The following IPO5 variants were observed in gnomAD, a reference collection of about 807,000 sequenced individuals.
IPO5 encodes importin-5.
In IPO5, 18 loss-of-function variants were observed where a neutral mutation model predicts 143.3. The ratio of observed to expected loss-of-function variants is 0.13; its 90% CI spans 0.09 to 0.19. IPO5 has a LOEUF of 0.19. Among genes scored for constraint, IPO5 ranks in the 10% least tolerant of loss-of-function variants. The pLI, the probability that IPO5 is intolerant of heterozygous loss-of-function variation, is 1.00. For missense variants in IPO5, 1,013 were observed against 1,336.9 expected, an observed-to-expected ratio of 0.76 and a Z score of 3.78; for synonymous variants, 477 against 465.7, an observed-to-expected ratio of 1.02 and a Z score of -0.31.
chr13:97,969,925 C>T (rs985873684), intron 3 of IPO5, 95 bp downstream of exon 3: 2 of 912,118 alleles, frequency 2.2e-6, no homozygotes, highest in Non-Finnish European at 3.5e-6. Flanking sequence ...TCTCGAACTC[C>T]TGGTCTCAGG....
At chr13:98,000,686 C>A in intron 13 of IPO5, 41 bp downstream of exon 13, 1 of 1,341,600 alleles carries the variant, frequency 7.5e-7, no homozygotes, top group Non-Finnish European at 1.1e-6. Context: ...TGAAGTTGTG[C>A]CCTTTCTAAA....
intron 2 of IPO5, among the ~76,000 whole-genome samples, chr13:97,968,922 C>A (rs1156312020): frequency 6.6e-6 from 1 of 151,770 alleles, no homozygotes; most frequent in African/African-American, 2.4e-5. Flanking sequence ...CTCCCGACCT[C>A]AAGTGATCCA....
At chr13:98,003,914 A>G (rs1289559568) in intron 16 of IPO5, among the ~76,000 whole-genome samples, 1 of 152,176 alleles carries the variant, frequency 6.6e-6, no homozygotes, top group Non-Finnish European at 1.5e-5. Flanking sequence ...TGGCAGAAAT[A>G]CAGAAGTTGT....
chr13:98,021,158 G>T, intron 28 of IPO5, 25 bp downstream of exon 28: 2 of 1,574,450 alleles, frequency 1.3e-6, no homozygotes, highest in Non-Finnish European at 1.7e-6. Flanking sequence ...TTGAATTGGG[G>T]AGGGGGAGAT....
chr13:97,980,549 G>A (rs1350672163), intron 4 of IPO5, among the ~76,000 whole-genome samples: 1 of 152,178 alleles, frequency 6.6e-6, no homozygotes, highest in East Asian at 1.9e-4. Context: ...GAAGTTTATG[G>A]CTGGGCGCGG....
At chr13:97,966,133 CAAAAAAAAAAAA>C (rs34256210) in intron 2 of IPO5, among the ~76,000 whole-genome samples, 1 of 89,290 alleles carries the variant, frequency 1.1e-5, no homozygotes, top group Non-Finnish European at 2.1e-5. Context: ...GGCCCCCTCT[CAAAAAAAAAAAA>C]AAAAAAAAAA....
At chr13:97,981,190 G>A in intron 4 of IPO5, 1 of 443,790 alleles carries the variant, frequency 2.3e-6, no homozygotes, top group Non-Finnish European at 4.5e-6. Flanking sequence ...GGAACTTGAG[G>A]TTATCAGAAG....
intron 12 of IPO5, among the ~76,000 whole-genome samples, chr13:97,999,501 A>AT (rs1888583351): frequency 1.3e-5 from 2 of 152,236 alleles, no homozygotes; most frequent in African/African-American, 4.8e-5. Flanking sequence ...GATGAATAAG[A>AT]TTTTCTCATT....
At position 97,993,189 on chromosome 13, in the gene IPO5, A is replaced by G. The variant is rs763420961; in HGVS notation, c.877A>G (p.Met293Val). 15 of 1,613,946 alleles carry G rather than the reference A, an allele frequency of 9.3e-6. No individual in the cohort carries two copies. Among genetic ancestry groups the G allele is most frequent in the South Asian group, 4.4e-5 (4 of 91,086 alleles). ...CACCCTCTCTGAGACTGCAGCTGCT[A>G]TGTTAAGAAAACATACCAATATTGT... ...IVTLSETAAA[M>V]LRKHTNIVAQ... The change falls in exon 11 of 29, where the codon ATG becomes GTG. Residue 293 changes from methionine to valine, a missense_variant. Transcript: ENST00000651721.
At chr13:98,002,227 G>A (rs541536664) in intron 13 of IPO5, 28 of 267,964 alleles carry the variant, frequency 1.0e-4, no homozygotes, top group African/African-American at 5.9e-4. Flanking sequence ...ACGTTAACCA[G>A]GATGGTCTCG....
In IPO5 at chr13:98,019,624, T is replaced by C. The variant is rs1566576377; in HGVS notation, c.2880T>C (p.Ser960=). ...TAAGAGTTATTCAGTCTGCGGATTC[T>C]AAGACCAAAGAAAATGTCAATGCTA... ...LLVRVIQSAD[S]KTKENVNATE... The change falls in exon 27 of 29, where the codon TCT becomes TCC. Residue 960 remains serine, a synonymous_variant. Coordinates refer to ENST00000651721, the MANE Select transcript of IPO5 (RefSeq NM_002271.6). The C allele has an allele frequency of 2.5e-6, 4 of 1,614,178 alleles. No individual in the cohort carries two copies. The highest frequency in any genetic ancestry group is 2.5e-6 in the Non-Finnish European group (3 of 1,179,980).
rs1333166206 is a variant in IPO5 at position 98,022,568 on chromosome 13, G to A, written c.*746G>A. 3 of 152,258 alleles carry A rather than the reference G, an allele frequency of 2.0e-5. No individual in the cohort carries two copies. The highest frequency in any genetic ancestry group is 7.2e-5 in the African/African-American group (3 of 41,442). 9.4% of individuals were successfully genotyped at this position (152,258 alleles called of 1,614,324 possible). ...AAGAATGATCTAATATTTTTTTAAAGTAATAGCTATCAGTAATAGCTGAGT... is the reference window on the plus strand; with the variant it reads ...AAGAATGATCTAATATTTTTTTAAAATAATAGCTATCAGTAATAGCTGAGT... On this transcript the variant is annotated 3_prime_UTR_variant, in exon 29 of 29. Coordinates refer to ENST00000651721, the MANE Select transcript of IPO5 (RefSeq NM_002271.6).
chr13:98,002,201 G>A (rs1228940428), intron 13 of IPO5: 4 of 205,294 alleles, frequency 1.9e-5, no homozygotes, highest in Non-Finnish European at 3.8e-5. Flanking sequence ...TTTTTAAGTA[G>A]AGACGGGGTT....
chr13:98,007,259 T>C (rs1161947454), intron 17 of IPO5: 5 of 152,304 alleles, frequency 3.3e-5, no homozygotes, highest in Non-Finnish European at 7.3e-5. Flanking sequence ...GAAGTCAGTA[T>C]CCATGTTCGT....
chr13:98,006,532 G>A (rs1425868778), intron 17 of IPO5, among the ~76,000 whole-genome samples, 184 bp downstream of exon 17: 1 of 150,936 alleles, frequency 6.6e-6, no homozygotes, highest in Non-Finnish European at 1.5e-5. Flanking sequence ...CCGCCACCAC[G>A]CCCGGCTAAT....
In IPO5 at chr13:98,002,791, A is replaced by G. The variant is rs376053819; in HGVS notation, c.1323+18A>G. 1.9e-6 allele frequency: 3 copies of G among 1,600,858 alleles called. No individual in the cohort carries two copies. Among genetic ancestry groups the G allele is most frequent in the African/African-American group, 2.7e-5 (2 of 74,280 alleles). ...ATGAGAAGGTAAGTAACAAGTCCTC[A>G]AACACTTAAATCAGACTTTAGGAAG... On this transcript the variant is annotated intron_variant, in intron 15 of 28. Coordinates refer to ENST00000651721, the MANE Select transcript of IPO5 (RefSeq NM_002271.6).
chr13:98,010,616 C>A (rs1441858415), intron 20 of IPO5, among the ~76,000 whole-genome samples: 1 of 151,860 alleles, frequency 6.6e-6, no homozygotes, highest in Non-Finnish European at 1.5e-5. Context: ...TAATGTGAAA[C>A]AAAACTTGTA....
In IPO5 at chr13:98,008,077, G is replaced by T; in HGVS notation, c.1735G>T (p.Asp579Tyr). 6.3e-7 allele frequency: 1 copy of T among 1,599,326 alleles called. No individual in the cohort carries two copies. Among genetic ancestry groups the T allele is most frequent in the Non-Finnish European group, 8.6e-7 (1 of 1,166,508 alleles). The change falls in exon 18 of 29, where the codon GAT (aspartate) becomes TAT (tyrosine). Residue 579 changes from aspartate to tyrosine, a missense_variant. By Grantham distance (160) the Asp-to-Tyr change is radical (BLOSUM62 -3). This residue lies in a region of IPO5 where 685 missense variants were observed against 994.9 expected (regional missense o/e 0.69). Coordinates refer to ENST00000651721, the MANE Select transcript of IPO5 (RefSeq NM_002271.6). ...GKEKFMQDAS[D>Y]VMQLLLKTQT... ...CCTCTAGTTCATGCAGGATGCATCA[G>T]ATGTGATGCAGCTTTTGTTAAAGAC...
At position 98,010,076 on chromosome 13, in the gene IPO5, T is replaced by C. The variant is rs762249200; in HGVS notation, c.1934-27T>C. 3 of 1,613,530 alleles carry C rather than the reference T, an allele frequency of 1.9e-6. No homozygotes were observed. The Admixed American group carries it at 5.0e-5, about 27-fold the overall frequency. Reference sequence around the variant, plus strand: ...TCTCTCTTTGTTATTATTTTTCATATGCATTTGTTTTCTTCTCCGTTAATA... The same window carrying C: ...TCTCTCTTTGTTATTATTTTTCATACGCATTTGTTTTCTTCTCCGTTAATA... On this transcript the variant is annotated intron_variant, in intron 19 of 28. Coordinates refer to ENST00000651721, the MANE Select transcript of IPO5 (RefSeq NM_002271.6).
Sources: gnomAD v4.1 joint callset for allele counts (sites outside exome capture counted in the v4.1 genomes callset) on GRCh38, gnomAD v4.1.1 for gene constraint, gnomAD v4.1.1 regional missense constraint, MANE v1.5 for transcripts, NCBI Gene and HGNC (gene_info 2026-07-23, HGNC 2026-07-21) for gene names.